Variants in TMC7 observed in about 807,000 individuals in gnomAD.
TMC7 encodes transmembrane channel like 7, also known as transmembrane channel-like protein 7.
Under a neutral mutation model 82.9 loss-of-function variants are expected in TMC7, and 54 were observed. The observed-to-expected ratio is 0.65, with a 90% confidence interval of 0.52 to 0.82. The LOEUF is 0.82. Ranked by LOEUF, TMC7 falls within the 40% of genes least tolerant of loss-of-function variation. The pLI, the probability that TMC7 is intolerant of heterozygous loss-of-function variation, is 0.00. For missense variants in TMC7, 820 were observed against 901.2 expected, an observed-to-expected ratio of 0.91 and a Z score of 1.15; for synonymous variants, 350 against 337.9, an observed-to-expected ratio of 1.04 and a Z score of -0.39.
At chr16:19,014,359 C>T (rs777987495) in intron 2 of TMC7, among the ~76,000 whole-genome samples, 3 of 152,140 alleles carry the variant, frequency 2.0e-5, no homozygotes, top group Non-Finnish European at 4.4e-5. Flanking sequence ...TATGCAAAAT[C>T]GCCCCCACTT....
intron 15 of TMC7, 127 bp downstream of exon 15, chr16:19,059,621 C>T: frequency 6.3e-7 from 1 of 1,587,186 alleles, no homozygotes; most frequent in Non-Finnish European, 8.6e-7. Context: ...CTCCCCAAAA[C>T]TCTGCCTTGA....
At chr16:18,995,971 A>G (rs2039037428) in intron 1 of TMC7, among the ~76,000 whole-genome samples, 1 of 152,152 alleles carries the variant, frequency 6.6e-6, no homozygotes, top group Non-Finnish European at 1.5e-5. Context: ...TTTGATGAAA[A>G]AAAACCTAAA....
At chr16:19,012,810 A>G (rs1358304550) in intron 2 of TMC7, among the ~76,000 whole-genome samples, 1 of 150,534 alleles carries the variant, frequency 6.6e-6, no homozygotes, top group Non-Finnish European at 1.5e-5. Flanking sequence ...AAAAAAAAAA[A>G]AAAAAAAAGA....
chr16:19,015,691 C>T (rs1959651307), intron 2 of TMC7, among the ~76,000 whole-genome samples: 1 of 151,816 alleles, frequency 6.6e-6, no homozygotes, highest in East Asian at 1.9e-4. Context: ...AATTCTTCTG[C>T]CTCGGCCTCC....
At chr16:19,029,633 C>G (rs901379663) in intron 5 of TMC7, among the ~76,000 whole-genome samples, 1 of 151,560 alleles carries the variant, frequency 6.6e-6, no homozygotes, top group African/African-American at 2.4e-5. Flanking sequence ...CCTCGGCCTT[C>G]CAAGGTGCTG....
chr16:19,032,547 TA>T (rs199666328), intron 6 of TMC7, among the ~76,000 whole-genome samples: 1,901 of 132,382 alleles, frequency 0.014, 20 homozygotes, highest in African/African-American at 0.034. Context: ...TTGTAAATGA[TA>T]AAAAAAAAAA....
At chr16:19,020,122 C>G (rs1239651970) in intron 3 of TMC7, among the ~76,000 whole-genome samples, 1 of 152,134 alleles carries the variant, frequency 6.6e-6, no homozygotes, top group Non-Finnish European at 1.5e-5. Flanking sequence ...CCAACAGATG[C>G]AGAAAAAGCT....
At chr16:19,048,915 G>T (rs529318695) in intron 12 of TMC7, among the ~76,000 whole-genome samples, 4 of 152,014 alleles carry the variant, frequency 2.6e-5, no homozygotes, top group African/African-American at 9.7e-5. Context: ...GATAATAATG[G>T]TGTTAGTAAT....
At chr16:19,037,735 G>A (rs1249343389) in intron 7 of TMC7, 139 bp from the exon 8 acceptor site, 4 of 859,372 alleles carry the variant, frequency 4.7e-6, no homozygotes, top group Non-Finnish European at 6.9e-6. Context: ...GGCCTGCCAC[G>A]GTGCTAGGGT....
chr16:19,029,045 A>G (rs1231486403), intron 5 of TMC7, among the ~76,000 whole-genome samples: 1 of 149,782 alleles, frequency 6.7e-6, no homozygotes, highest in African/African-American at 2.5e-5. Context: ...TTGCTCTGTC[A>G]CCCAGGCTGG....
chr16:18,994,451 CA>C (rs112762077), intron 1 of TMC7, among the ~76,000 whole-genome samples: 4,573 of 123,242 alleles, frequency 0.037, 208 homozygotes, highest in African/African-American at 0.12. Context: ...AGACTCTTCT[CA>C]AAAAAAAAAA....
intron 1 of TMC7, among the ~76,000 whole-genome samples, chr16:18,992,289 C>G (rs1437039531): frequency 6.6e-6 from 1 of 152,178 alleles, no homozygotes; most frequent in African/African-American, 2.4e-5. Flanking sequence ...GATGGCCATT[C>G]TAACTGGTGT....
chr16:19,026,568 T>C (rs1328354554), intron 5 of TMC7, among the ~76,000 whole-genome samples: 10 of 152,140 alleles, frequency 6.6e-5, no homozygotes, highest in Admixed American at 5.2e-4. Flanking sequence ...GAAAAGTTTC[T>C]GTTTGTGAAA....
At chr16:19,061,664 G>A (rs369913907) in intron 15 of TMC7, 114 bp from the exon 16 acceptor site, 20 of 798,592 alleles carry the variant, frequency 2.5e-5, no homozygotes, top group African/African-American at 1.0e-4. Flanking sequence ...CAGACCAGAT[G>A]AGAGGCCATT....
At chr16:19,022,154 A>G (rs1224742386) in intron 4 of TMC7, among the ~76,000 whole-genome samples, 1 of 152,202 alleles carries the variant, frequency 6.6e-6, no homozygotes, top group Non-Finnish European at 1.5e-5. Context: ...CTACATGTGG[A>G]CTTACATACA....
At chr16:19,025,983 C>T (rs1039312961) in intron 5 of TMC7, among the ~76,000 whole-genome samples, 4 of 151,858 alleles carry the variant, frequency 2.6e-5, no homozygotes, top group Non-Finnish European at 5.9e-5. Context: ...GCCATGTTGC[C>T]TAGGCTGGTC....
At chr16:19,035,624 A>T in intron 6 of TMC7, 52 bp from the exon 7 acceptor site, 1 of 1,609,100 alleles carries the variant, frequency 6.2e-7, no homozygotes, top group African/African-American at 1.3e-5. Flanking sequence ...AATTCAGGGG[A>T]CTCTCTTTTG....
At chr16:19,038,138 G>A (rs765553728) in intron 8 of TMC7, 91 bp downstream of exon 8, 11 of 1,300,170 alleles carry the variant, frequency 8.5e-6, no homozygotes, top group Non-Finnish European at 1.1e-5. Flanking sequence ...TTTACATATG[G>A]AGATACAAGT....
Position 19,009,176 on chromosome 16 carries a change from C to G in TMC7, c.72C>G (p.Asn24Lys). ...PSRQPAVHPENLSLDSSCFSS... is the reference protein window; with the variant it reads ...PSRQPAVHPEKLSLDSSCFSS... ...ACTTTCTTTTCTTTTACATAGAGAA[C>G]CTCTCTCTAGACTCCAGTTGCTTCT... The change falls in exon 2 of 16, where the codon AAC becomes AAG. Residue 24 changes from asparagine to lysine, a missense_variant. Transcript: ENST00000304381. 4 of 1,613,394 alleles carry G rather than the reference C, an allele frequency of 2.5e-6. No homozygotes were observed. Among genetic ancestry groups the G allele is most frequent in the Non-Finnish European group, 3.4e-6 (4 of 1,179,574 alleles).
Sources: allele counts gnomAD v4.1 joint callset (sites outside exome capture counted in the v4.1 genomes callset), GRCh38; gene constraint gnomAD v4.1.1; transcripts MANE v1.5; gene names NCBI Gene and HGNC (gene_info 2026-07-23, HGNC 2026-07-21).